R3HDM2: variants seen among roughly 807,000 people sequenced by gnomAD.
R3HDM2 encodes R3H domain containing 2, also known as R3H domain-containing protein 2.
A neutral mutation model predicts 124.5 loss-of-function variants in R3HDM2; 38 were observed. The observed-to-expected ratio is 0.31, with a 90% CI of 0.24 to 0.40. The LOEUF is 0.40. Ranked by LOEUF, R3HDM2 falls within the 10% of genes least tolerant of loss-of-function variation. The probability of loss-of-function intolerance (pLI) is 1.00; values close to 1 mark genes in which losing one functional copy is unlikely to be tolerated. For synonymous variants in R3HDM2, 391 were observed against 448.0 expected (o/e 0.87, Z 1.61); for missense variants, 869 against 1,236.9 (o/e 0.70, Z 4.46).
At chr12:57,406,588 T>C (rs2068545542) in intron 1 of R3HDM2, among the ~76,000 whole-genome samples, 1 of 151,974 alleles carries the variant, frequency 6.6e-6, no homozygotes, top group Non-Finnish European at 1.5e-5. Context: ...TAAAAAAAAA[T>C]TAAGAAATGA....
chr12:57,397,687 C>G (rs575789787), intron 1 of R3HDM2, among the ~76,000 whole-genome samples: 2 of 152,090 alleles, frequency 1.3e-5, no homozygotes, highest in African/African-American at 4.8e-5. Context: ...CTTGTTCCCC[C>G]CTATGCAAAA....
chr12:57,394,777 A>C (rs1304960501), intron 2 of R3HDM2, among the ~76,000 whole-genome samples: 2 of 152,216 alleles, frequency 1.3e-5, no homozygotes, highest in Non-Finnish European at 2.9e-5. Flanking sequence ...CAGTATCTCA[A>C]GCGGGAAGAA....
At chr12:57,299,203 AAAGT>A in intron 6 of R3HDM2, 145 bp downstream of exon 6, 3 of 854,118 alleles carry the variant, frequency 3.5e-6, no homozygotes, top group Non-Finnish European at 5.2e-6. Flanking sequence ...AGAAGCAAAG[AAAGT>A]AACCTCGTTA....
At chr12:57,326,904 G>A (rs2057377530) in intron 2 of R3HDM2, among the ~76,000 whole-genome samples, 2 of 151,676 alleles carry the variant, frequency 1.3e-5, no homozygotes, top group South Asian at 4.2e-4. Context: ...TCTAAAAATA[G>A]AACAAAGAAA....
At chr12:57,345,709 T>C (rs1200440697) in intron 2 of R3HDM2, among the ~76,000 whole-genome samples, 1 of 152,080 alleles carries the variant, frequency 6.6e-6, no homozygotes, top group Non-Finnish European at 1.5e-5. Flanking sequence ...CCCCCTAATC[T>C]ATATTTATTT....
At chr12:57,421,297 A>G (rs1042939979) in intron 1 of R3HDM2, among the ~76,000 whole-genome samples, 14 of 146,368 alleles carry the variant, frequency 9.6e-5, no homozygotes, top group African/African-American at 2.3e-4. Context: ...GATTACAGGC[A>G]TGCACAACCA....
chr12:57,425,311 A>G (rs755581662), intron 1 of R3HDM2, among the ~76,000 whole-genome samples: 1 of 152,150 alleles, frequency 6.6e-6, no homozygotes, highest in South Asian at 2.1e-4. Flanking sequence ...GAGAACTACT[A>G]ATATAATTCT....
intron 2 of R3HDM2, among the ~76,000 whole-genome samples, chr12:57,317,518 T>C (rs1161585091): frequency 6.6e-6 from 1 of 151,844 alleles, no homozygotes; most frequent in East Asian, 1.9e-4. Context: ...GATTAGACAA[T>C]AGTCAATCTC....
intron 2 of R3HDM2, among the ~76,000 whole-genome samples, chr12:57,316,880 G>A (rs867425589): frequency 1.3e-5 from 2 of 151,770 alleles, no homozygotes; most frequent in Non-Finnish European, 1.5e-5. Flanking sequence ...CTGAGTAGCC[G>A]GGATTACAGG....
chr12:57,309,987 G>T (rs186350317), intron 3 of R3HDM2, among the ~76,000 whole-genome samples: 7 of 152,316 alleles, frequency 4.6e-5, no homozygotes, highest in Admixed American at 3.9e-4. Flanking sequence ...AAAGACAGGA[G>T]AATCATTTGA....
At position 57,296,819 on chromosome 12, in the gene R3HDM2, T is replaced by C; in HGVS notation, c.561-268A>G. On this transcript the variant is annotated intron_variant, in intron 8 of 23. Transcript: ENST00000402412. This position sits in a 1 kb window ranked among gnomAD's most constrained non-coding sequence, Gnocchi z 4.5. ...TGGCTCATGCCCGTAATCCCAGCAC[T>C]TTGGGAGGCCAAGGCAGGCGGATCA... 1 of 311,852 alleles carries C rather than the reference T, an allele frequency of 3.2e-6. No individual in the cohort carries two copies. The highest frequency in any genetic ancestry group is 5.9e-6 in the Non-Finnish European group (1 of 168,418). The allele number at this position is 311,852 out of a possible 1,614,324, so 19.3% of individuals were successfully genotyped here.
chr12:57,314,217 C>T (rs905404177), intron 2 of R3HDM2, among the ~76,000 whole-genome samples: 9 of 145,070 alleles, frequency 6.2e-5, no homozygotes, highest in Admixed American at 2.1e-4. Context: ...CGGTAGCTCA[C>T]GCCTGTAATC....
intron 2 of R3HDM2, among the ~76,000 whole-genome samples, chr12:57,388,361 A>G (rs2066167606): frequency 6.6e-6 from 1 of 152,246 alleles, no homozygotes; most frequent in South Asian, 2.1e-4. Flanking sequence ...GAATTTACCA[A>G]GACAGTTGTA....
At chr12:57,385,119 A>G (rs947297157) in intron 2 of R3HDM2, among the ~76,000 whole-genome samples, 6 of 151,986 alleles carry the variant, frequency 3.9e-5, no homozygotes, top group African/African-American at 1.4e-4. Flanking sequence ...GAGCCACTGC[A>G]CTCCAGCCTG....
intron 2 of R3HDM2, among the ~76,000 whole-genome samples, chr12:57,316,160 A>G (rs936733924): frequency 6.6e-6 from 1 of 152,228 alleles, no homozygotes; most frequent in Non-Finnish European, 1.5e-5. Context: ...ATAAAACAAA[A>G]TAATTCTTAC....
chr12:57,431,050 C>T (rs1869790739), upstream of R3HDM2: 2 of 152,448 alleles, frequency 1.3e-5, no homozygotes, highest in African/African-American at 4.8e-5. Context: ...TCACTACGTC[C>T]GGCGTTGTCG....
chr12:57,329,245 G>A (rs1051753202), intron 2 of R3HDM2, among the ~76,000 whole-genome samples: 1 of 152,120 alleles, frequency 6.6e-6, no homozygotes, highest in African/African-American at 2.4e-5. Flanking sequence ...CGTCATTATG[G>A]TGAATGAGGG....
At chr12:57,305,620 T>C (rs918829285) in intron 3 of R3HDM2, 16 of 398,854 alleles carry the variant, frequency 4.0e-5, no homozygotes, top group African/African-American at 1.2e-4. Flanking sequence ...CTGGAGGATA[T>C]GGAGATAAAA....
At chr12:57,404,642 G>A (rs2068360745) in intron 1 of R3HDM2, among the ~76,000 whole-genome samples, 1 of 152,182 alleles carries the variant, frequency 6.6e-6, no homozygotes, top group Non-Finnish European at 1.5e-5. Flanking sequence ...GGAGGTTGCA[G>A]TGAGCCGAGA....
Sources: gnomAD v4.1 joint callset for allele counts (sites outside exome capture counted in the v4.1 genomes callset) on GRCh38, gnomAD v4.1.1 for gene constraint, Gnocchi (gnomAD v3.1) non-coding constraint, MANE v1.5 for transcripts, NCBI Gene and HGNC (gene_info 2026-07-23, HGNC 2026-07-21) for gene names.